Variants in MEGF11 observed in about 807,000 individuals in gnomAD.
MEGF11 encodes the protein multiple epidermal growth factor-like domains protein 11.
A neutral mutation model predicts 146.6 loss-of-function variants in MEGF11; 126 were observed. The ratio of observed to expected loss-of-function variants is 0.86; its 90% CI spans 0.74 to 1.00. The LOEUF is 1.00. MEGF11 is among the 50% of genes least tolerant of loss of function. The pLI is 0.00. For synonymous variants in MEGF11, 532 were observed against 583.4 expected, an observed-to-expected ratio of 0.91 and a Z score of 1.27; for missense variants, 1,509 against 1,521.2, an observed-to-expected ratio of 0.99 and a Z score of 0.13.
chr15:65,995,172 AG>A (rs1473973519), intron 5 of MEGF11, among the ~76,000 whole-genome samples: 1 of 152,206 alleles, frequency 6.6e-6, no homozygotes, highest in African/African-American at 2.4e-5. Flanking sequence ...GAGCACAGGG[AG>A]GGGGCGTGCA....
intron 5 of MEGF11, among the ~76,000 whole-genome samples, chr15:66,007,818 T>G (rs2082566915): frequency 6.6e-6 from 1 of 152,136 alleles, no homozygotes; most frequent in Non-Finnish European, 1.5e-5. Context: ...ACCCAGTCAG[T>G]GACTATTTAC....
intron 19 of MEGF11, among the ~76,000 whole-genome samples, chr15:65,914,964 T>C (rs564408276): frequency 1.4e-4 from 22 of 152,328 alleles, no homozygotes; most frequent in African/African-American, 4.8e-4. Flanking sequence ...ACCCTGGGAC[T>C]CCATCCCCTT....
intron 5 of MEGF11, among the ~76,000 whole-genome samples, chr15:66,033,427 C>T (rs2083607806): frequency 6.6e-6 from 1 of 152,238 alleles, no homozygotes; most frequent in South Asian, 2.1e-4. Flanking sequence ...CATAGTGCTC[C>T]TTGGCTGACC....
In MEGF11 at chr15:65,909,180, T is replaced by A. The variant is rs2078718743; in HGVS notation, c.2897-45A>T. The A allele has an allele frequency of 4.5e-6, 6 of 1,329,746 alleles. No homozygotes were observed. In the South Asian group the frequency reaches 7.5e-5, roughly 17 times the overall value. 82.4% of individuals were successfully genotyped at this position (1,329,746 alleles called of 1,614,324 possible). ...GGAGGAGCCATTATTCCCAGGGCCC[T>A]GGTATAGCAGGGGAAGGGGGTAGGA... On this transcript the variant is annotated intron_variant, in intron 22 of 25. Transcript: ENST00000395614.
chr15:66,077,610 T>A (rs1252749674), intron 5 of MEGF11, among the ~76,000 whole-genome samples: 1 of 152,146 alleles, frequency 6.6e-6, no homozygotes, highest in Non-Finnish European at 1.5e-5. Flanking sequence ...CTTAGTACCT[T>A]CCATGTGCCA....
At chr15:65,973,352 A>G (rs1438177522) in intron 7 of MEGF11, among the ~76,000 whole-genome samples, 3 of 152,250 alleles carry the variant, frequency 2.0e-5, no homozygotes, top group East Asian at 3.8e-4. Flanking sequence ...AAAACTGGAG[A>G]GACTTCTAAT....
Position 66,154,361 on chromosome 15 carries a change from G to A in MEGF11, c.-8-25950C>T, listed in dbSNP as rs553362527. Among the ~76,000 whole-genome samples, 175 of 152,294 alleles carry A rather than the reference G, an allele frequency of 1.1e-3. 2 individuals carry two copies. In the South Asian group the frequency reaches 0.035, roughly 31 times the overall value. On this transcript the variant is annotated intron_variant, in intron 1 of 25. Transcript: ENST00000395614. ...CCCAGCTCTCAGCCATCTCTTCTGG[G>A]ATCTGCAGCAAAGAGTACTTGCCCC...
intron 1 of MEGF11, among the ~76,000 whole-genome samples, chr15:66,163,882 A>G (rs1169506932): frequency 6.6e-6 from 1 of 152,218 alleles, no homozygotes; most frequent in African/African-American, 2.4e-5. Context: ...ATATTCGAGA[A>G]GAGCTTGTGC....
chr15:66,224,244 A>G (rs2091798424), intron 1 of MEGF11, among the ~76,000 whole-genome samples: 1 of 152,156 alleles, frequency 6.6e-6, no homozygotes, highest in Non-Finnish European at 1.5e-5. Context: ...TCTACCTCAT[A>G]GGGCTGATGT....
At chr15:66,008,123 A>T (rs1431993785) in intron 5 of MEGF11, among the ~76,000 whole-genome samples, 1 of 152,162 alleles carries the variant, frequency 6.6e-6, no homozygotes, top group Non-Finnish European at 1.5e-5. Context: ...GGAACCACAC[A>T]CTTCACTGTG....
intron 5 of MEGF11, among the ~76,000 whole-genome samples, chr15:66,039,822 G>T (rs1347766536): frequency 8.5e-5 from 4 of 47,224 alleles, no homozygotes; most frequent in African/African-American, 1.6e-4. Context: ...GTCCTGAGCC[G>T]GGTCAGGCGG....
intron 5 of MEGF11, among the ~76,000 whole-genome samples, chr15:66,056,570 C>T (rs898572361): frequency 7.2e-5 from 11 of 152,088 alleles, no homozygotes; most frequent in African/African-American, 2.4e-4. Context: ...AGGACATCTT[C>T]GTCTTTTGAG....
intron 5 of MEGF11, among the ~76,000 whole-genome samples, chr15:66,055,033 A>G (rs2084620322): frequency 6.6e-6 from 1 of 152,216 alleles, no homozygotes; most frequent in Admixed American, 6.5e-5. Flanking sequence ...GTGAGTACAG[A>G]CTTAGAATCT....
At chr15:66,131,491 A>G (rs1464761920) in intron 1 of MEGF11, among the ~76,000 whole-genome samples, 2 of 152,234 alleles carry the variant, frequency 1.3e-5, no homozygotes, top group African/African-American at 4.8e-5. Context: ...GGCTAGAGAA[A>G]GGGCATTTCT....
At chr15:66,250,503 G>A (rs2092355387) in intron 1 of MEGF11, among the ~76,000 whole-genome samples, 1 of 152,124 alleles carries the variant, frequency 6.6e-6, no homozygotes. Context: ...GTATCCCAAG[G>A]GCCTAGTCCA....
chr15:65,971,665 AGATATT>A (rs1175970151), intron 7 of MEGF11, among the ~76,000 whole-genome samples: 1 of 152,204 alleles, frequency 6.6e-6, no homozygotes, highest in Admixed American at 6.5e-5. Context: ...AATGACCTAA[AGATATT>A]GATAGTTGAG....
intron 2 of MEGF11, among the ~76,000 whole-genome samples, chr15:66,127,503 T>A (rs932734948): frequency 6.6e-6 from 1 of 152,034 alleles, no homozygotes; most frequent in East Asian, 1.9e-4. Flanking sequence ...GTCCCCCGCC[T>A]TTCTTCTTCT....
intron 23 of MEGF11, among the ~76,000 whole-genome samples, chr15:65,908,391 A>G (rs2078693995): frequency 1.3e-5 from 2 of 152,190 alleles, no homozygotes; most frequent in South Asian, 2.1e-4. Flanking sequence ...ACTTGTTCCC[A>G]TGATACCTTC....
intron 1 of MEGF11, among the ~76,000 whole-genome samples, chr15:66,232,091 T>G (rs192515644): frequency 1.2e-3 from 189 of 152,274 alleles, no homozygotes; most frequent in Non-Finnish European, 5.9e-4. Flanking sequence ...AGTCCACAGG[T>G]GCTGCTCAGA....
Sources: allele counts gnomAD v4.1 joint callset (sites outside exome capture counted in the v4.1 genomes callset), GRCh38; gene constraint gnomAD v4.1.1; transcripts MANE v1.5; gene names NCBI Gene and HGNC (gene_info 2026-07-23, HGNC 2026-07-21).